ENOX1: variants seen among roughly 807,000 people sequenced by gnomAD.
The protein encoded by ENOX1 is candidate growth-related and time keeping constitutive hydroquinone (NADH) oxidase.
ENOX1 carries 42 observed loss-of-function variants against 82.5 expected under a neutral mutation model. The ratio of observed to expected loss-of-function variants is 0.51; its 90% CI spans 0.40 to 0.66. The LOEUF is 0.66. Ranked by LOEUF, ENOX1 falls within the 30% of genes least tolerant of loss-of-function variation. ENOX1 has a pLI of 0.00. For missense variants in ENOX1, 608 were observed against 811.6 expected, an observed-to-expected ratio of 0.75 and a Z score of 3.05; for synonymous variants, 271 against 282.2, an observed-to-expected ratio of 0.96 and a Z score of 0.40.
At chr13:43,514,564 T>C (rs2077489175) in intron 2 of ENOX1, among the ~76,000 whole-genome samples, 1 of 152,078 alleles carries the variant, frequency 6.6e-6, no homozygotes, top group South Asian at 2.1e-4. Flanking sequence ...CAGCCAGCCT[T>C]CCTCTGTTTC....
At chr13:43,558,027 G>A (rs9533526) in intron 2 of ENOX1, among the ~76,000 whole-genome samples, 147,935 of 152,208 alleles carry the variant, frequency 0.97, 72,033 homozygotes, top group East Asian at 1. Flanking sequence ...AATCACAAGA[G>A]GACTTAGAGG....
chr13:43,341,291 A>G (rs2049040869), intron 9 of ENOX1, among the ~76,000 whole-genome samples: 2 of 134,220 alleles, frequency 1.5e-5, no homozygotes, highest in Admixed American at 7.0e-5. Flanking sequence ...GTGAGACTCC[A>G]TCTCAAAAAA....
At chr13:43,616,164 ATCTATCTATCTATC>A (rs1566641680) in intron 2 of ENOX1, among the ~76,000 whole-genome samples, 85 of 4,920 alleles carry the variant, frequency 0.017, 23 homozygotes, top group Non-Finnish European at 0.027. Flanking sequence ...ATAGATATCT[ATCTATCTATCTATC>A]TATCTATCTA....
Position 43,674,653 on chromosome 13 carries a change from C to T in ENOX1, c.-284-7109G>A, listed in dbSNP as rs368925152. ...AGTGAAACTATTCTGTATGATACTA[C>T]GAGTGGATACATGTCATTATACGTT... is the stretch of plus-strand genomic sequence containing the variant. On this transcript the variant is annotated intron_variant, in intron 1 of 16. Coordinates refer to ENST00000690772, the MANE Select transcript of ENOX1 (RefSeq NM_001347969.2). Among the ~76,000 whole-genome samples the T allele has an allele frequency of 1.1e-4, 16 of 152,178 alleles. 1 individual carries two copies. The South Asian group carries it at 2.9e-3, about 28-fold the overall frequency.
Position 43,429,663 on chromosome 13 carries a change from G to A in ENOX1, c.-74-16675C>T, listed in dbSNP as rs938943910. On this transcript the variant is annotated intron_variant, in intron 3 of 16. Transcript: ENST00000690772. ...AATCTGCTGTTGGAGCCATGCTTGG[G>A]GACCAAATAGATGAGCAGGCCATGT... 5.9e-5 allele frequency among the ~76,000 whole-genome samples: 9 copies of A among 152,222 alleles called. No individual in the cohort carries two copies. In the East Asian group the frequency reaches 1.5e-3, roughly 26 times the overall value.
At chr13:43,510,482 T>C (rs1214407722) in intron 2 of ENOX1, among the ~76,000 whole-genome samples, 1 of 152,106 alleles carries the variant, frequency 6.6e-6, no homozygotes, top group African/African-American at 2.4e-5. Context: ...AGCAAAGGAA[T>C]AAGTACAGGT....
chr13:43,485,327 A>C (rs963793028), intron 2 of ENOX1, among the ~76,000 whole-genome samples: 1 of 152,188 alleles, frequency 6.6e-6, no homozygotes, highest in African/African-American at 2.4e-5. Context: ...ATGCTTCAAC[A>C]CATCCCTTGA....
intron 2 of ENOX1, among the ~76,000 whole-genome samples, chr13:43,631,599 G>A (rs1052024839): frequency 6.6e-6 from 1 of 152,122 alleles, no homozygotes; most frequent in African/African-American, 2.4e-5. Flanking sequence ...ACCCCTGTCT[G>A]CTAATTAATT....
chr13:43,663,306 A>G (rs1459371273), intron 2 of ENOX1, among the ~76,000 whole-genome samples: 1 of 152,154 alleles, frequency 6.6e-6, no homozygotes, highest in African/African-American at 2.4e-5. Flanking sequence ...GCCTTCCTAT[A>G]GAGTCTCATC....
At chr13:43,725,822 C>G (rs1368687943) in intron 1 of ENOX1, among the ~76,000 whole-genome samples, 3 of 150,902 alleles carry the variant, frequency 2.0e-5, no homozygotes, top group African/African-American at 7.3e-5. Context: ...AAAAAAGAAG[C>G]TAGGCATGGT....
Position 43,759,380 on chromosome 13 carries a change from G to A in ENOX1, c.-285+27272C>T, listed in dbSNP as rs115295554. Among the ~76,000 whole-genome samples, 1,383 of 152,206 alleles carry A rather than the reference G, an allele frequency of 9.1e-3. 21 individuals carry two copies. Among genetic ancestry groups the A allele is most frequent in the African/African-American group, 0.032 (1,309 of 41,526 alleles). ...CCCAAAGTTCTGGGATTACAGATGTGAGCCACTGCTCCCAGCTGCTTGAAC... is the reference window on the plus strand; with the variant it reads ...CCCAAAGTTCTGGGATTACAGATGTAAGCCACTGCTCCCAGCTGCTTGAAC... On this transcript the variant is annotated intron_variant, in intron 1 of 16. Coordinates refer to ENST00000690772, the MANE Select transcript of ENOX1 (RefSeq NM_001347969.2).
intron 13 of ENOX1, among the ~76,000 whole-genome samples, chr13:43,268,882 G>A (rs1273625453): frequency 6.6e-6 from 1 of 152,110 alleles, no homozygotes; most frequent in Non-Finnish European, 1.5e-5. Context: ...GCTGCCTGCC[G>A]AGTGTTCCAT....
intron 1 of ENOX1, among the ~76,000 whole-genome samples, chr13:43,776,785 G>C (rs976830533): frequency 2.6e-5 from 4 of 151,656 alleles, no homozygotes; most frequent in Non-Finnish European, 5.9e-5. Context: ...TGCTACAGAC[G>C]TGAATTCCCA....
chr13:43,692,785 G>A (rs934921148), intron 1 of ENOX1, among the ~76,000 whole-genome samples: 2 of 152,104 alleles, frequency 1.3e-5, no homozygotes, highest in African/African-American at 4.8e-5. Flanking sequence ...TATTGAAGAC[G>A]TGGGAAAATG....
chr13:43,294,087 C>A (rs1216581984), intron 12 of ENOX1, among the ~76,000 whole-genome samples: 1 of 152,020 alleles, frequency 6.6e-6, no homozygotes, highest in Non-Finnish European at 1.5e-5. Context: ...TAATGTCAAG[C>A]TAAGAGTGTG....
chr13:43,665,493 G>A, intron 2 of ENOX1, among the ~76,000 whole-genome samples: 1 of 152,128 alleles, frequency 6.6e-6, no homozygotes, highest in Non-Finnish European at 1.5e-5. Context: ...AGAGATTAAA[G>A]CCAGAGAAGA....
rs150350269 is a variant in ENOX1, at chr13:43,632,742, C to T, written c.-219+34737G>A. On this transcript the variant is annotated intron_variant, in intron 2 of 16. Coordinates refer to ENST00000690772, the MANE Select transcript of ENOX1 (RefSeq NM_001347969.2). ...GATTACAGGCGTGAACCACAGTGCC[C>T]GGCCTGATTTTTATAATTTTAATTG... Among the ~76,000 whole-genome samples, 7 of 152,140 alleles carry T rather than the reference C, an allele frequency of 4.6e-5. No homozygotes were observed. The East Asian group carries it at 1.2e-3, about 25-fold the overall frequency.
chr13:43,320,682 G>A (rs1474539514), intron 11 of ENOX1, among the ~76,000 whole-genome samples: 1 of 152,014 alleles, frequency 6.6e-6, no homozygotes, highest in Non-Finnish European at 1.5e-5. Context: ...AAAGCCACAG[G>A]TTCAAATGAG....
At chr13:43,747,527 C>T (rs374222623) in intron 1 of ENOX1, among the ~76,000 whole-genome samples, 12 of 152,148 alleles carry the variant, frequency 7.9e-5, no homozygotes, top group African/African-American at 2.4e-4. Context: ...ATACATTCTG[C>T]GATGGTGAGG....
Sources: allele counts gnomAD v4.1 joint callset (sites outside exome capture counted in the v4.1 genomes callset), GRCh38; gene constraint gnomAD v4.1.1; transcripts MANE v1.5; gene names NCBI Gene and HGNC (gene_info 2026-07-23, HGNC 2026-07-21).